The following SORL1 variants were observed in gnomAD, a reference collection of about 807,000 sequenced individuals.
The protein encoded by SORL1 is sortilin-related receptor.
Under a neutral mutation model 273.7 loss-of-function variants are expected in SORL1, and 127 were observed. The observed-to-expected ratio is 0.46, with a 90% CI of 0.40 to 0.54. The LOEUF is 0.54. SORL1 is among the 20% of genes least tolerant of loss of function. SORL1 has a pLI of 0.00. For missense variants in SORL1, 2,494 were observed against 2,846.1 expected (o/e 0.88, Z 2.81); for synonymous variants, 1,031 against 1,067.4 (o/e 0.97, Z 0.66).
At chr11:121,510,022 G>A (rs554719411) in intron 6 of SORL1, among the ~76,000 whole-genome samples, 2 of 152,254 alleles carry the variant, frequency 1.3e-5, no homozygotes, top group African/African-American at 4.8e-5. Flanking sequence ...ATGGTATTGT[G>A]CAGTTCTGAA....
At chr11:121,524,895 C>T (rs1862097714) in intron 11 of SORL1, among the ~76,000 whole-genome samples, 1 of 151,576 alleles carries the variant, frequency 6.6e-6, no homozygotes, top group Non-Finnish European at 1.5e-5. Context: ...CTCTGATCCT[C>T]AGAATTCCGT....
intron 37 of SORL1, among the ~76,000 whole-genome samples, chr11:121,607,824 C>T (rs1372219644): frequency 6.6e-6 from 1 of 152,142 alleles, no homozygotes; most frequent in Non-Finnish European, 1.5e-5. Flanking sequence ...ACACACCCCC[C>T]CATACACCTG....
At chr11:121,593,324 T>C (rs1414454189) in intron 31 of SORL1, among the ~76,000 whole-genome samples, 1 of 152,256 alleles carries the variant, frequency 6.6e-6, no homozygotes, top group Non-Finnish European at 1.5e-5. Context: ...AATTGCTTTT[T>C]TCATTTGTTT....
Position 121,497,050 on chromosome 11 carries a change from G to C in SORL1, c.939+1G>C, listed in dbSNP as rs1362309568. 1 of 1,612,454 alleles carries C rather than the reference G, an allele frequency of 6.2e-7. No individual in the cohort carries two copies. The highest frequency in any genetic ancestry group is 8.5e-7 in the Non-Finnish European group (1 of 1,179,464). On this transcript the variant is annotated splice_donor_variant, in intron 6 of 47. Transcript: ENST00000260197. LOFTEE classifies it high-confidence loss of function. ...GTACATGTTTGCTACAAAGGTGGTG[G>C]TAAGTTGAATGTACTAAAGAATAAA...
intron 32 of SORL1, among the ~76,000 whole-genome samples, chr11:121,598,176 A>C (rs1392283529): frequency 6.6e-6 from 1 of 152,144 alleles, no homozygotes; most frequent in African/African-American, 2.4e-5. Flanking sequence ...CTTGGACTTC[A>C]TCATGGGGGG....
At position 121,550,746 on chromosome 11, in the gene SORL1, G is replaced by A; in HGVS notation, c.2266+76G>A. The A allele has an allele frequency of 8.8e-7, 1 of 1,134,568 alleles. No homozygotes were observed. Among genetic ancestry groups the A allele is most frequent in the Admixed American group, 2.2e-5 (1 of 46,496 alleles). The allele number at this position is 1,134,568 out of a possible 1,614,324, so 70.3% of individuals were successfully genotyped here. A position where few individuals can be genotyped will look rare whatever the true frequency, so the allele number is the denominator to read the frequency against. The stretch of plus-strand genomic sequence containing the variant: ...GTATCACGATCTCACCCAAGTCCGG[G>A]CTTGTGGCTCCTTTAATTGAGTGGA... On this transcript the variant is annotated intron_variant, in intron 16 of 47. Coordinates refer to ENST00000260197, the MANE Select transcript of SORL1 (RefSeq NM_003105.6). The surrounding 1 kb of genome is among the most constrained non-coding windows in gnomAD (Gnocchi z 5.3).
chr11:121,595,649 A>T lies in SORL1; in HGVS notation c.4396A>T (p.Thr1466Ser). 1 of 1,610,428 alleles carries T rather than the reference A, an allele frequency of 6.2e-7. No homozygotes were observed. Among genetic ancestry groups the T allele is most frequent in the African/African-American group, 1.3e-5 (1 of 74,936 alleles). ...AAACGTCACTGCTGCCTCCACTCCC[A>T]CCCAACTTGGGCGATGTGACCGATT... ...LANVTAASTP[T>S]QLGRCDRFEF... The change falls in exon 32 of 48, where the codon ACC (threonine) becomes TCC (serine). Residue 1466 changes from threonine to serine, a missense_variant. Coordinates refer to ENST00000260197, the MANE Select transcript of SORL1 (RefSeq NM_003105.6). The surrounding 1 kb of genome is among the most constrained non-coding windows in gnomAD (Gnocchi z 5.1).
intron 12 of SORL1, among the ~76,000 whole-genome samples, chr11:121,533,741 TC>T (rs1862232656): frequency 6.6e-6 from 1 of 152,196 alleles, no homozygotes; most frequent in South Asian, 2.1e-4. Flanking sequence ...TGTTTTTTTT[TC>T]CCTGTGGTTA....
chr11:121,468,424 C>G (rs559690303), intron 1 of SORL1, among the ~76,000 whole-genome samples: 1 of 152,070 alleles, frequency 6.6e-6, no homozygotes, highest in African/African-American at 2.4e-5. Flanking sequence ...GACCACCTCT[C>G]AGAATTTTTT....
chr11:121,545,249 C>T lies in SORL1; in HGVS notation c.1871C>T (p.Pro624Leu), dbSNP rs374782165. 3.5e-5 allele frequency: 57 copies of T among 1,614,068 alleles called. No homozygotes were observed. The East Asian group carries it at 7.1e-4, about 20-fold the overall frequency. Reference protein sequence around the residue: ...QVNATDALGVPCTENDYKLWS... With the variant: ...QVNATDALGVLCTENDYKLWS... ...TGTGTTCCTTTTTCTTTAGGAGTTCCCTGCACAGAGAATGACTACAAGCTG... is the reference window on the plus strand; with the variant it reads ...TGTGTTCCTTTTTCTTTAGGAGTTCTCTGCACAGAGAATGACTACAAGCTG... The change falls in exon 14 of 48, where the codon CCC (proline) becomes CTC (leucine). Residue 624 changes from proline to leucine, a missense_variant. Physicochemically the swap from Pro to Leu is moderately conservative, Grantham distance 98. Transcript: ENST00000260197.
chr11:121,585,498 T>C (rs1182078418), intron 26 of SORL1, among the ~76,000 whole-genome samples: 3 of 106,718 alleles, frequency 2.8e-5, no homozygotes, highest in South Asian at 7.7e-4. Flanking sequence ...AAAAAATGTA[T>C]ATACACACAC....
At chr11:121,567,998 T>C (rs1043359492) in intron 22 of SORL1, among the ~76,000 whole-genome samples, 3 of 152,172 alleles carry the variant, frequency 2.0e-5, no homozygotes, top group Non-Finnish European at 4.4e-5. Flanking sequence ...ACTCCTGGGC[T>C]CAAGGGATCC....
intron 1 of SORL1, among the ~76,000 whole-genome samples, chr11:121,465,084 C>T (rs562542705): frequency 3.3e-5 from 5 of 152,256 alleles, no homozygotes; most frequent in South Asian, 2.1e-4. Flanking sequence ...TTAATATCGC[C>T]GCAATGTTGT....
chr11:121,558,793 A>G lies in SORL1; in HGVS notation c.2866A>G (p.Ile956Val), dbSNP rs773119698. 7 of 1,614,144 alleles carry G rather than the reference A, an allele frequency of 4.3e-6. No individual in the cohort carries two copies. The Admixed American group carries it at 5.0e-5, about 12-fold the overall frequency. Residue 956 changes from isoleucine (I) to valine (V), a missense_variant, in exon 20 of 48, where the codon ATT becomes GTT. This residue lies in a region of SORL1 where 1,609 missense variants were observed against 1,816.4 expected (regional missense o/e 0.89). Transcript: ENST00000260197. ...ITFSGQQRSV[I>V]LDNLPHPYAI... is the part of the protein sequence containing the mutation. ...GTTCAGTGGCCAGCAGCGCTCTGTC[A>G]TTCTGGACAACCTCCCGCACCCCTA...
intron 4 of SORL1, among the ~76,000 whole-genome samples, chr11:121,489,460 A>G (rs652067): frequency 0.37 from 56,401 of 152,038 alleles, 10,844 homozygotes; most frequent in East Asian, 0.55. Context: ...GGTACCTCCT[A>G]AGTGGAATTA....
At chr11:121,522,732 G>A (rs754483849) in intron 10 of SORL1, 29 bp downstream of exon 10, 3 of 1,565,718 alleles carry the variant, frequency 1.9e-6, no homozygotes, top group Admixed American at 3.3e-5. Context: ...TCTCAAAAGG[G>A]GTTCAGCTGT....
chr11:121,598,543 G>A (rs1488621396), intron 32 of SORL1, among the ~76,000 whole-genome samples: 2 of 152,168 alleles, frequency 1.3e-5, no homozygotes, highest in African/African-American at 4.8e-5. Flanking sequence ...GTCAGAAACC[G>A]GGGCATTCTT....
At chr11:121,591,682 G>A (rs899685733) in intron 31 of SORL1, among the ~76,000 whole-genome samples, 6 of 152,202 alleles carry the variant, frequency 3.9e-5, no homozygotes, top group African/African-American at 1.2e-4. Flanking sequence ...ATCCCATTTC[G>A]TGTGTGCTCC....
Position 121,585,498 on chromosome 11 carries a change from T to TACACACACACAC in SORL1, c.3707-723_3707-722insCACACACACACA, listed in dbSNP as rs761065310. Among the ~76,000 whole-genome samples the TACACACACACAC allele has an allele frequency of 3.0e-4, 32 of 106,710 alleles. 1 individual carries two copies. The highest frequency in any genetic ancestry group is 2.5e-3 in the East Asian group (8 of 3,164). The allele number at this position is 106,710 out of a possible 152,430, so 70.0% of individuals were successfully genotyped here. On this transcript the variant is annotated intron_variant, in intron 26 of 47. Coordinates refer to ENST00000260197, the MANE Select transcript of SORL1 (RefSeq NM_003105.6). ...ACTCTGCCTTAAAAAAAAAAATGTA[T>TACACACACACAC]ATACACACACACACACACACACACA...
Sources: gnomAD v4.1 joint callset for allele counts (sites outside exome capture counted in the v4.1 genomes callset) on GRCh38, gnomAD v4.1.1 for gene constraint, gnomAD v4.1.1 regional missense constraint, Gnocchi (gnomAD v3.1) non-coding constraint, MANE v1.5 for transcripts, NCBI Gene and HGNC (gene_info 2026-07-23, HGNC 2026-07-21) for gene names.